BTBD9: variants seen among roughly 807,000 people sequenced by gnomAD.
BTBD9 encodes BTB domain containing 9, also known as BTB/POZ domain-containing protein 9.
BTBD9 carries 49 observed loss-of-function variants against 64.3 expected under a neutral mutation model. The ratio of observed to expected loss-of-function variants is 0.76; its 90% confidence interval spans 0.61 to 0.97. BTBD9 has a LOEUF of 0.97. Among genes scored for constraint, BTBD9 ranks in the 50% least tolerant of loss-of-function variants. The pLI is 0.00. For synonymous variants in BTBD9, 260 were observed against 274.7 expected, an observed-to-expected ratio of 0.95 and a Z score of 0.53; for missense variants, 598 against 762.1, an observed-to-expected ratio of 0.78 and a Z score of 2.53.
At chr6:38,306,458 C>T (rs1262715487) in intron 7 of BTBD9, among the ~76,000 whole-genome samples, 1 of 152,216 alleles carries the variant, frequency 6.6e-6, no homozygotes, top group African/African-American at 2.4e-5. Context: ...CAATTCTGCT[C>T]AGACAAATTT....
intron 6 of BTBD9, among the ~76,000 whole-genome samples, chr6:38,569,566 GC>G (rs766247352): frequency 3.2e-4 from 48 of 152,214 alleles, no homozygotes; most frequent in Middle Eastern, 6.8e-3. Flanking sequence ...ATCATCTCAT[GC>G]AATAAGCTTA....
At chr6:38,400,050 C>G (rs1363502800) in intron 6 of BTBD9, among the ~76,000 whole-genome samples, 1 of 152,052 alleles carries the variant, frequency 6.6e-6, no homozygotes, top group Admixed American at 6.6e-5. Flanking sequence ...GTGTGAGCCA[C>G]TGTGCCTGGC....
chr6:38,422,614 G>A (rs1159830295), intron 6 of BTBD9, among the ~76,000 whole-genome samples: 6 of 152,084 alleles, frequency 3.9e-5, no homozygotes, highest in Non-Finnish European at 8.8e-5. Flanking sequence ...AGGGATCCCT[G>A]TAGAACAGGG....
intron 3 of BTBD9, 52 bp downstream of exon 3, chr6:38,593,912 G>A (rs1429888828): frequency 1.4e-6 from 2 of 1,435,944 alleles, no homozygotes; most frequent in Non-Finnish European, 1.9e-6. Context: ...TACAGTATAG[G>A]TATAAATAAA....
rs1767452284 is a variant in BTBD9, at chr6:38,412,038, CTCTATAT to C, written c.1155-66952_1155-66946del. Among the ~76,000 whole-genome samples, 2 of 151,892 alleles carry C rather than the reference CTCTATAT, an allele frequency of 1.3e-5. 1 individual carries two copies. The highest frequency in any genetic ancestry group is 4.1e-4 in the South Asian group (2 of 4,820). On this transcript the variant is annotated intron_variant, in intron 6 of 10. Transcript: ENST00000481247. ...AAATAATTTTAAAATGGGTCAATTC[CTCTATAT>C]TCTGAAAGTAGAGAAACATTTCCTA...
intron 6 of BTBD9, among the ~76,000 whole-genome samples, chr6:38,418,222 C>G (rs1767760797): frequency 6.6e-6 from 1 of 152,196 alleles, no homozygotes; most frequent in Non-Finnish European, 1.5e-5. Context: ...ATCACTCTTT[C>G]TGACTCTAAA....
chr6:38,483,013 G>A (rs891984011), intron 6 of BTBD9, among the ~76,000 whole-genome samples: 15 of 151,466 alleles, frequency 9.9e-5, no homozygotes, highest in African/African-American at 3.2e-4. Context: ...TGAGGTACAC[G>A]GCCCCTACAA....
intron 9 of BTBD9, among the ~76,000 whole-genome samples, chr6:38,246,092 C>T (rs1764188369): frequency 6.6e-6 from 1 of 152,092 alleles, no homozygotes; most frequent in Non-Finnish European, 1.5e-5. Context: ...GAGGAGCCTC[C>T]CACTGGGGGT....
intron 1 of BTBD9, among the ~76,000 whole-genome samples, chr6:38,616,468 TG>T (rs1777795112): frequency 6.6e-6 from 1 of 152,090 alleles, no homozygotes; most frequent in Non-Finnish European, 1.5e-5. Flanking sequence ...TTTTTTTTAA[TG>T]TATTAGCAAG....
At chr6:38,413,751 C>T (rs550487044) in intron 6 of BTBD9, among the ~76,000 whole-genome samples, 5 of 152,086 alleles carry the variant, frequency 3.3e-5, no homozygotes, top group East Asian at 1.9e-4. Flanking sequence ...CTCATGGTCA[C>T]ACAACTACTA....
chr6:38,552,748 G>C (rs373511634), intron 6 of BTBD9, among the ~76,000 whole-genome samples: 1 of 115,420 alleles, frequency 8.7e-6, no homozygotes, highest in East Asian at 2.5e-4. Flanking sequence ...GAAAAGAAAA[G>C]AAAAAGAAAA....
intron 6 of BTBD9, among the ~76,000 whole-genome samples, chr6:38,447,008 T>C (rs1769306026): frequency 2.6e-5 from 4 of 152,220 alleles, no homozygotes; most frequent in Non-Finnish European, 5.9e-5. Flanking sequence ...AAATCAGTAC[T>C]AATAATTCTT....
chr6:38,529,871 AT>A (rs1773708254), intron 6 of BTBD9, among the ~76,000 whole-genome samples: 1 of 152,118 alleles, frequency 6.6e-6, no homozygotes, highest in Non-Finnish European at 1.5e-5. Flanking sequence ...AATAACAGCG[AT>A]TTTTAGGGAA....
At chr6:38,373,403 C>G (rs974767811) in intron 6 of BTBD9, among the ~76,000 whole-genome samples, 1 of 152,152 alleles carries the variant, frequency 6.6e-6, no homozygotes, top group Admixed American at 6.5e-5. Flanking sequence ...GTATTTCCCA[C>G]GTTCTTAGTA....
intron 8 of BTBD9, among the ~76,000 whole-genome samples, chr6:38,287,272 G>GT (rs1414761202): frequency 6.6e-6 from 1 of 150,856 alleles, no homozygotes; most frequent in Non-Finnish European, 1.5e-5. Context: ...TCCATTCATG[G>GT]TAAGTGCCCT....
chr6:38,600,589 C>A (rs1234426727), intron 1 of BTBD9, among the ~76,000 whole-genome samples: 1 of 152,112 alleles, frequency 6.6e-6, no homozygotes, highest in Non-Finnish European at 1.5e-5. Flanking sequence ...TGATTCTAAA[C>A]AAAACGCTCT....
intron 6 of BTBD9, among the ~76,000 whole-genome samples, chr6:38,498,392 C>A (rs1693122016): frequency 7.0e-6 from 1 of 142,004 alleles, no homozygotes; most frequent in South Asian, 2.3e-4. Flanking sequence ...AGCTAAATTT[C>A]TTTCATTATT....
chr6:38,513,770 T>C (rs1026407856), intron 6 of BTBD9, among the ~76,000 whole-genome samples: 4 of 152,140 alleles, frequency 2.6e-5, no homozygotes, highest in Non-Finnish European at 5.9e-5. Flanking sequence ...GTGGTGGCTT[T>C]TTTGGGGAAT....
intron 8 of BTBD9, among the ~76,000 whole-genome samples, chr6:38,271,446 C>T (rs894689512): frequency 6.6e-6 from 1 of 151,946 alleles, no homozygotes; most frequent in African/African-American, 2.4e-5. Flanking sequence ...AATGAACTTC[C>T]CTAACACTTC....
Sources: gnomAD v4.1 joint callset for allele counts (sites outside exome capture counted in the v4.1 genomes callset) on GRCh38, gnomAD v4.1.1 for gene constraint, MANE v1.5 for transcripts, NCBI Gene and HGNC (gene_info 2026-07-23, HGNC 2026-07-21) for gene names.